ENY2: variants seen among roughly 807,000 people sequenced by gnomAD.
ENY2 encodes ENY2 transcription and export complex 2 subunit.
ENY2 carries 4 observed loss-of-function variants against 15.9 expected under a neutral mutation model. The observed-to-expected ratio is 0.25, with a 90% CI of 0.12 to 0.57. The LOEUF (loss-of-function observed/expected upper bound fraction) is 0.57. ENY2 is among the 20% of genes least tolerant of loss of function. The pLI is 0.91. For missense variants in ENY2, 54 were observed against 117.2 expected (o/e 0.46, Z 2.49); for synonymous variants, 48 against 38.0 (o/e 1.26, Z -0.97).
intron 2 of ENY2, chr8:109,338,431 G>A (rs1488392331): frequency 2.0e-5 from 3 of 152,130 alleles, no homozygotes; most frequent in Non-Finnish European, 4.4e-5. Flanking sequence ...AGAACAAACA[G>A]GATGAATTGG....
chr8:109,339,306 T>G lies in ENY2; in HGVS notation c.84-14T>G. 1 of 1,612,916 alleles carries G rather than the reference T, an allele frequency of 6.2e-7. No individual in the cohort carries two copies. The highest frequency in any genetic ancestry group is 8.5e-7 in the Non-Finnish European group (1 of 1,179,092). On this transcript the variant is annotated splice_polypyrimidine_tract_variant and intron_variant, in intron 2 of 4. Coordinates refer to ENST00000521688, the MANE Select transcript of ENY2 (RefSeq NM_020189.6). ...TATACATTGTTCAATTTGAAAACAC[T>G]TCTGTTTCAACAGCCTCAAAGAGTT... is the stretch of plus-strand genomic sequence containing the variant.
At chr8:109,340,991 T>C (rs1816099703) in intron 4 of ENY2, among the ~76,000 whole-genome samples, 1 of 152,176 alleles carries the variant, frequency 6.6e-6, no homozygotes, top group African/African-American at 2.4e-5. Flanking sequence ...AAATGTCTAC[T>C]TAAGAATTTG....
At chr8:109,340,796 G>A (rs897624061) in intron 4 of ENY2, 2 of 427,506 alleles carry the variant, frequency 4.7e-6, no homozygotes, top group Non-Finnish European at 8.3e-6. Context: ...AGTTGATACA[G>A]TTGTTCAAGC....
chr8:109,339,178 A>G, intron 2 of ENY2, 142 bp from the exon 3 acceptor site: 1 of 655,538 alleles, frequency 1.5e-6, no homozygotes, highest in Non-Finnish European at 2.6e-6. Context: ...ACTATTTAGC[A>G]TTTGAACCAA....
At position 109,334,416 on chromosome 8, in the gene ENY2, C is replaced by G. The variant is rs1052643303; in HGVS notation, c.-53C>G. ...CCGAAGAGTGTGGTAGGTAACGGTC[C>G]TCAGCGCAAGGGTCATTTCGTCGCT... is the stretch of plus-strand genomic sequence containing the variant. On this transcript the variant is annotated 5_prime_UTR_variant, in exon 1 of 5. Transcript: ENST00000521688. 6.2e-7 allele frequency: 1 copy of G among 1,613,546 alleles called. No homozygotes were observed. Among genetic ancestry groups the G allele is most frequent in the Non-Finnish European group, 8.5e-7 (1 of 1,179,798 alleles).
In ENY2 at chr8:109,340,502, A is replaced by C. The variant is rs200948145; in HGVS notation, c.168A>C (p.Glu56Asp). The C allele has an allele frequency of 6.2e-7, 1 of 1,613,316 alleles. No homozygotes were observed. Among genetic ancestry groups the C allele is most frequent in the South Asian group, 1.1e-5 (1 of 91,066 alleles). The change falls in exon 4 of 5, where the codon GAA (glutamate) becomes GAC (aspartate). Residue 56 changes from glutamate to aspartate, a missense_variant. Physicochemically the swap from Glu to Asp is conservative, Grantham distance 45 (BLOSUM62 2). Coordinates refer to ENST00000521688, the MANE Select transcript of ENY2 (RefSeq NM_020189.6). Reference protein sequence around the residue: ...LKAHCKEVIKEKGLEHVTVDD... With the variant: ...LKAHCKEVIKDKGLEHVTVDD... ...CTTTTGCATAAGAGGTAATTAAAGAAAAAGGACTAGAACACGTTACTGTTG... is the reference window on the plus strand; with the variant it reads ...CTTTTGCATAAGAGGTAATTAAAGACAAAGGACTAGAACACGTTACTGTTG...
chr8:109,337,420 C>T (rs1816009977), intron 2 of ENY2, among the ~76,000 whole-genome samples: 2 of 151,586 alleles, frequency 1.3e-5, no homozygotes, highest in African/African-American at 4.8e-5. Flanking sequence ...CTATCATATG[C>T]CATGCCCTGT....
chr8:109,343,355 T>G (rs752582753), intron 4 of ENY2, 50 bp from the exon 5 acceptor site: 6 of 1,404,044 alleles, frequency 4.3e-6, no homozygotes, highest in Non-Finnish European at 5.9e-6. Context: ...TAAATTCTCA[T>G]GTATTAATTG....
In ENY2 at chr8:109,344,744, G is replaced by C. The variant is rs536566215; in HGVS notation, c.*1263G>C. ...ATGCTGCTGATTGAGAACCACTTCT[G>C]AATATAGCAAGGCTGTAAATTATCC... is the stretch of plus-strand genomic sequence containing the variant. On this transcript the variant is annotated 3_prime_UTR_variant, in exon 5 of 5. Coordinates refer to ENST00000521688, the MANE Select transcript of ENY2 (RefSeq NM_020189.6). The C allele has an allele frequency of 3.3e-5, 5 of 152,268 alleles. No individual in the cohort carries two copies. Among genetic ancestry groups the C allele is most frequent in the African/African-American group, 1.2e-4 (5 of 41,546 alleles). 9.4% of individuals were successfully genotyped at this position (152,268 alleles called of 1,614,324 possible). A position where few individuals can be genotyped will look rare whatever the true frequency, so the allele number is the denominator to read the frequency against.
At chr8:109,341,494 T>C (rs1005106141) in intron 4 of ENY2, among the ~76,000 whole-genome samples, 1 of 152,172 alleles carries the variant, frequency 6.6e-6, no homozygotes, top group African/African-American at 2.4e-5. Flanking sequence ...TTTATATTTT[T>C]AAATTTCTCT....
intron 4 of ENY2, among the ~76,000 whole-genome samples, chr8:109,341,869 A>G (rs902485361): frequency 9.9e-5 from 15 of 152,094 alleles, no homozygotes; most frequent in Admixed American, 6.5e-4. Context: ...AACCTCCCTC[A>G]TGGTATTCCT....
chr8:109,338,829 C>T (rs1157264074), intron 2 of ENY2: 1 of 152,984 alleles, frequency 6.5e-6, no homozygotes, highest in African/African-American at 2.4e-5. Flanking sequence ...TTAGAAGGGC[C>T]TGATAGGCTG....
In ENY2 at chr8:109,343,568, T is replaced by A; in HGVS notation, c.*87T>A. 8.0e-7 allele frequency: 1 copy of A among 1,249,506 alleles called. No homozygotes were observed. Among genetic ancestry groups the A allele is most frequent in the South Asian group, 1.4e-5 (1 of 73,828 alleles). 77.4% of individuals were successfully genotyped at this position (1,249,506 alleles called of 1,614,324 possible). A position where few individuals can be genotyped will look rare whatever the true frequency, so the allele number is the denominator to read the frequency against. Reference sequence around the variant, plus strand: ...AAAACAATTTCCCAAAATAAAATCCTTTTTTGTATGATGGTATACAGTTTT... The same window carrying A: ...AAAACAATTTCCCAAAATAAAATCCATTTTTGTATGATGGTATACAGTTTT... On this transcript the variant is annotated 3_prime_UTR_variant, in exon 5 of 5. Coordinates refer to ENST00000521688, the MANE Select transcript of ENY2 (RefSeq NM_020189.6).
chr8:109,339,846 A>G (rs1816077661), intron 3 of ENY2: 1 of 156,382 alleles, frequency 6.4e-6, no homozygotes, highest in Non-Finnish European at 1.4e-5. Flanking sequence ...GATGGATTAT[A>G]CATGTCACTA....
chr8:109,336,510 T>C (rs1815989067), intron 2 of ENY2: 1 of 234,060 alleles, frequency 4.3e-6, no homozygotes, highest in African/African-American at 2.3e-5. Flanking sequence ...AGGGAGACAA[T>C]GTTGTGGAAC....
chr8:109,339,188 A>G (rs527560207), intron 2 of ENY2, 132 bp from the exon 3 acceptor site: 265 of 704,374 alleles, frequency 3.8e-4, no homozygotes, highest in Non-Finnish European at 6.1e-4. Context: ...ATTTGAACCA[A>G]GATTAGGCCA....
intron 2 of ENY2, 37 bp from the exon 3 acceptor site, chr8:109,339,283 T>C (rs201809857): frequency 4.8e-5 from 76 of 1,586,866 alleles, no homozygotes; most frequent in Non-Finnish European, 5.3e-5. Context: ...TAAGATGTTA[T>C]ACATTGTTCA....
intron 4 of ENY2, 155 bp downstream of exon 4, chr8:109,340,718 A>G: frequency 1.3e-6 from 1 of 796,618 alleles, no homozygotes; most frequent in South Asian, 1.9e-5. Context: ...CTCCTAGCAT[A>G]GTCTGGGAGT....
intron 2 of ENY2, among the ~76,000 whole-genome samples, chr8:109,338,122 T>C (rs752994372): frequency 6.6e-6 from 1 of 151,974 alleles, no homozygotes; most frequent in Non-Finnish European, 1.5e-5. Flanking sequence ...TCTGAGTAAA[T>C]TGGGAAGGCA....
Sources: allele counts gnomAD v4.1 joint callset (sites outside exome capture counted in the v4.1 genomes callset), GRCh38; gene constraint gnomAD v4.1.1; transcripts MANE v1.5; gene names NCBI Gene and HGNC (gene_info 2026-07-23, HGNC 2026-07-21).